RSU1: variants seen among roughly 807,000 people sequenced by gnomAD.
The protein encoded by RSU1 is rsu-1.
Under a neutral mutation model 31.1 loss-of-function variants are expected in RSU1, and 26 were observed. The ratio of observed to expected loss-of-function variants is 0.84; its 90% CI spans 0.61 to 1.16. The LOEUF is 1.16. Among genes scored for constraint, RSU1 ranks in the 50% most tolerant of loss-of-function variants. The probability of loss-of-function intolerance (pLI) is 0.00; values close to 1 mark genes in which losing one functional copy is unlikely to be tolerated. For synonymous variants in RSU1, 164 were observed against 136.3 expected, an observed-to-expected ratio of 1.20 and a Z score of -1.41; for missense variants, 320 against 339.1, an observed-to-expected ratio of 0.94 and a Z score of 0.44.
chr10:16,726,334 C>A (rs1190457821), intron 7 of RSU1, among the ~76,000 whole-genome samples: 1 of 145,920 alleles, frequency 6.9e-6, no homozygotes, highest in Non-Finnish European at 1.5e-5. Flanking sequence ...GTGGCGCAAT[C>A]TCGGCTCACT....
At chr10:16,646,682 C>A (rs1045974215) in intron 8 of RSU1, among the ~76,000 whole-genome samples, 1 of 152,228 alleles carries the variant, frequency 6.6e-6, no homozygotes, top group Non-Finnish European at 1.5e-5. Flanking sequence ...TCAGTCAATA[C>A]TTCTGAGTAA....
intron 2 of RSU1, among the ~76,000 whole-genome samples, chr10:16,800,428 T>A (rs889770691): frequency 1.3e-5 from 2 of 152,168 alleles, no homozygotes; most frequent in Non-Finnish European, 2.9e-5. Context: ...TCACAAACAC[T>A]GTAACAAAAA....
intron 2 of RSU1, among the ~76,000 whole-genome samples, chr10:16,806,125 T>C (rs11254204): frequency 0.075 from 11,418 of 152,256 alleles, 1,175 homozygotes; most frequent in African/African-American, 0.24. Flanking sequence ...TTTAAAACTA[T>C]GTGTAAGTAT....
chr10:16,779,147 C>A (rs1837600864), intron 3 of RSU1, among the ~76,000 whole-genome samples: 1 of 152,070 alleles, frequency 6.6e-6, no homozygotes, highest in Non-Finnish European at 1.5e-5. Context: ...CAGATTAAGT[C>A]CCCCGCTGAC....
chr10:16,718,111 AAAG>A (rs978965427), intron 7 of RSU1, among the ~76,000 whole-genome samples: 6 of 150,358 alleles, frequency 4.0e-5, no homozygotes, highest in African/African-American at 1.2e-4. Flanking sequence ...AAAAAAAAAA[AAAG>A]AAAGAAAGAA....
chr10:16,638,306 G>A (rs1041074315), intron 8 of RSU1, among the ~76,000 whole-genome samples: 4 of 151,524 alleles, frequency 2.6e-5, no homozygotes, highest in Non-Finnish European at 5.9e-5. Context: ...CCTTTTTTTC[G>A]CGCGCATGTG....
At chr10:16,807,974 G>A (rs1290949803) in intron 2 of RSU1, among the ~76,000 whole-genome samples, 1 of 146,506 alleles carries the variant, frequency 6.8e-6, no homozygotes, top group African/African-American at 2.5e-5. Context: ...AGCGAGCCGA[G>A]ATCACGCCAC....
At position 16,591,867 on chromosome 10, in the gene RSU1, G is replaced by A. The variant is rs1209123400; in HGVS notation, c.*1527C>T. 6.6e-6 allele frequency: 1 copy of A among 152,106 alleles called. No individual in the cohort carries two copies. Among genetic ancestry groups the A allele is most frequent in the African/African-American group, 2.4e-5 (1 of 41,410 alleles). The allele number at this position is 152,106 out of a possible 1,614,324, so 9.4% of individuals were successfully genotyped here. A position where few individuals can be genotyped will look rare whatever the true frequency, so the allele number is the denominator to read the frequency against. Reference sequence around the variant, plus strand: ...AGTCAATTAAAAAAATTCAGGCAGAGGCATACATGGCACCTATAAAAATGA... The same window carrying A: ...AGTCAATTAAAAAAATTCAGGCAGAAGCATACATGGCACCTATAAAAATGA... On this transcript the variant is annotated 3_prime_UTR_variant, in exon 9 of 9. Coordinates refer to ENST00000345264, the MANE Select transcript of RSU1 (RefSeq NM_012425.4).
At chr10:16,657,273 G>C (rs893991986) in intron 8 of RSU1, among the ~76,000 whole-genome samples, 1 of 152,152 alleles carries the variant, frequency 6.6e-6, no homozygotes, top group African/African-American at 2.4e-5. Context: ...GTAACTCCTA[G>C]TACTTCCTTT....
At chr10:16,694,886 A>C (rs1835641781) in intron 8 of RSU1, 137 bp downstream of exon 8, 1 of 801,444 alleles carries the variant, frequency 1.2e-6, no homozygotes, top group Non-Finnish European at 1.9e-6. Context: ...GCCGACATGC[A>C]GTTTTTAATA....
intron 8 of RSU1, among the ~76,000 whole-genome samples, chr10:16,637,255 A>G (rs921486007): frequency 7.2e-5 from 11 of 152,230 alleles, no homozygotes; most frequent in African/African-American, 2.7e-4. Context: ...CTGTTAATTC[A>G]GTAAACATTC....
intron 2 of RSU1, among the ~76,000 whole-genome samples, chr10:16,798,758 C>T (rs1034581771): frequency 2.0e-5 from 3 of 152,170 alleles, no homozygotes; most frequent in East Asian, 1.9e-4. Context: ...GAATGACCTA[C>T]GCCCTACACC....
intron 4 of RSU1, among the ~76,000 whole-genome samples, chr10:16,757,211 G>T (rs1037876882): frequency 2.0e-5 from 3 of 151,624 alleles, no homozygotes; most frequent in South Asian, 4.2e-4. Context: ...TTTTCTTAAC[G>T]CAGTTCCCTT....
At chr10:16,724,340 T>A (rs993187458) in intron 7 of RSU1, among the ~76,000 whole-genome samples, 5 of 152,208 alleles carry the variant, frequency 3.3e-5, no homozygotes, top group Non-Finnish European at 7.3e-5. Flanking sequence ...TATAATAAAA[T>A]GGTTTCATAA....
intron 3 of RSU1, among the ~76,000 whole-genome samples, chr10:16,768,240 A>C (rs920094255): frequency 1.1e-4 from 16 of 152,184 alleles, no homozygotes; most frequent in Non-Finnish European, 1.5e-5. Context: ...CCTCTGTAAA[A>C]TAAGAAGGCT....
chr10:16,713,962 A>G (rs535662221), intron 7 of RSU1, among the ~76,000 whole-genome samples: 63 of 152,278 alleles, frequency 4.1e-4, no homozygotes, highest in South Asian at 1.9e-3. Flanking sequence ...TTCATCAGCA[A>G]TGTCTGCAAT....
intron 7 of RSU1, among the ~76,000 whole-genome samples, chr10:16,748,989 C>G (rs192403398): frequency 3.3e-5 from 5 of 152,244 alleles, no homozygotes; most frequent in Admixed American, 3.3e-4. Flanking sequence ...TAATCCCTAG[C>G]AAATACCAGG....
intron 4 of RSU1, among the ~76,000 whole-genome samples, chr10:16,759,177 C>G (rs1204127585): frequency 1.3e-5 from 2 of 152,194 alleles, no homozygotes; most frequent in African/African-American, 4.8e-5. Flanking sequence ...TCCACAGTGA[C>G]CTACTCACAC....
At chr10:16,678,342 A>G (rs1210438924) in intron 8 of RSU1, among the ~76,000 whole-genome samples, 1 of 152,242 alleles carries the variant, frequency 6.6e-6, no homozygotes, top group Non-Finnish European at 1.5e-5. Flanking sequence ...TGTTATAAAC[A>G]GTGGAAGATT....
Sources: allele counts gnomAD v4.1 joint callset (sites outside exome capture counted in the v4.1 genomes callset), GRCh38; gene constraint gnomAD v4.1.1; transcripts MANE v1.5; gene names NCBI Gene and HGNC (gene_info 2026-07-23, HGNC 2026-07-21).